The following MYO9B variants were observed in gnomAD, a reference collection of about 807,000 sequenced individuals.
MYO9B encodes the protein myosin IXB.
Under a neutral mutation model 229.5 loss-of-function variants are expected in MYO9B, and 71 were observed. The ratio of observed to expected loss-of-function variants is 0.31; its 90% CI spans 0.26 to 0.38. MYO9B has a LOEUF of 0.38. Ranked by LOEUF, MYO9B falls within the 10% of genes least tolerant of loss-of-function variation. The pLI, the probability that MYO9B is intolerant of heterozygous loss-of-function variation, is 1.00. For synonymous variants in MYO9B, 1,185 were observed against 1,235.8 expected (o/e 0.96, Z 0.86); for missense variants, 2,255 against 2,920.5 (o/e 0.77, Z 5.25).
intron 14 of MYO9B, among the ~76,000 whole-genome samples, chr19:17,179,458 A>C (rs1224962264): frequency 3.5e-5 from 4 of 114,010 alleles, no homozygotes; most frequent in African/African-American, 1.1e-4. Context: ...ACAGAGTCTC[A>C]CTCTGTTGCC....
intron 2 of MYO9B, among the ~76,000 whole-genome samples, chr19:17,118,680 G>A (rs1019950965): frequency 9.9e-5 from 15 of 151,932 alleles, no homozygotes; most frequent in Non-Finnish European, 1.8e-4. Context: ...ACATGGTTTC[G>A]CCATGTTGGC....
Position 17,152,652 on chromosome 19 carries a change from T to C in MYO9B, c.944T>C (p.Val315Ala). 6.2e-7 allele frequency: 1 copy of C among 1,613,018 alleles called. No individual in the cohort carries two copies. The highest frequency in any genetic ancestry group is 8.5e-7 in the Non-Finnish European group (1 of 1,179,396). ...TTTTCTCTTAATGACAGAGCTGTCG[T>C]CGAGAAATATCTGCTTGAAAAGTCT... Reference protein sequence around the residue: ...LESGIVRGAVVEKYLLEKSRL... With the variant: ...LESGIVRGAVAEKYLLEKSRL... The change falls in exon 4 of 40, where the codon GTC becomes GCC. Residue 315 changes from valine (V) to alanine (A), a missense_variant. Val to Ala is a moderately conservative substitution (Grantham distance 64). Around this residue, in one of 7 missense-constraint regions of MYO9B, gnomAD observed 386 missense variants for 515.2 expected, o/e 0.75. Transcript: ENST00000682292.
At position 17,206,692 on chromosome 19, in the gene MYO9B, G is replaced by A. The variant is rs372943554; in HGVS notation, c.5400G>A (p.Lys1800=). The change falls in exon 34 of 40, where the codon AAG becomes AAA. Residue 1800 remains lysine, a synonymous_variant. Coordinates refer to ENST00000682292, the MANE Select transcript of MYO9B (RefSeq NM_004145.4). ...CACTGCCTGCAGAGCTGCCGGAGAAGCAGGAGCAGCTGGCTGCCATCTATG... is the reference window on the plus strand; with the variant it reads ...CACTGCCTGCAGAGCTGCCGGAGAAACAGGAGCAGCTGGCTGCCATCTATG... ...DFLRAVELPE[K]QEQLAAIYAV... 3.5e-5 allele frequency: 55 copies of A among 1,577,348 alleles called. No homozygotes were observed. In the East Asian group the frequency reaches 8.0e-4, roughly 23 times the overall value.
chr19:17,113,074 C>T lies in MYO9B; in HGVS notation c.840+10517C>T, dbSNP rs138731220. 6.6e-5 allele frequency among the ~76,000 whole-genome samples: 10 copies of T among 152,312 alleles called. No individual in the cohort carries two copies. In the East Asian group the frequency reaches 1.7e-3, roughly 26 times the overall value. ...AGCATTTGTTTGAGGAAGAGCAATA[C>T]CTGCAGTCAGCACCCGTCTGTCTGT... On this transcript the variant is annotated intron_variant, in intron 2 of 39. Transcript: ENST00000682292.
At position 17,129,326 on chromosome 19, in the gene MYO9B, C is replaced by T. The variant is rs147026228; in HGVS notation, c.841-16071C>T. On this transcript the variant is annotated intron_variant, in intron 2 of 39. Coordinates refer to ENST00000682292, the MANE Select transcript of MYO9B (RefSeq NM_004145.4). Reference sequence around the variant, plus strand: ...CTGAGACAGGAGAATCACTCGAGCCCGGGAGGTGGAGGCTGCAGTGAGCCA... The same window carrying T: ...CTGAGACAGGAGAATCACTCGAGCCTGGGAGGTGGAGGCTGCAGTGAGCCA... 3.0e-3 allele frequency among the ~76,000 whole-genome samples: 463 copies of T among 152,180 alleles called. 2 individuals are homozygous for T. Among genetic ancestry groups the T allele is most frequent in the African/African-American group, 0.01 (428 of 41,522 alleles).
At chr19:17,168,155 A>C in intron 11 of MYO9B, 91 bp downstream of exon 11, 1 of 1,509,260 alleles carries the variant, frequency 6.6e-7, no homozygotes, top group Middle Eastern at 1.9e-4. Flanking sequence ...CCAAATCCAG[A>C]CTTTCCCAAG....
At chr19:17,093,821 T>G (rs889847238) in intron 1 of MYO9B, among the ~76,000 whole-genome samples, 12 of 151,956 alleles carry the variant, frequency 7.9e-5, no homozygotes, top group Middle Eastern at 3.2e-3. Context: ...GCCTCCCAAG[T>G]AGCTGGGACT....
intron 2 of MYO9B, among the ~76,000 whole-genome samples, chr19:17,111,430 A>G (rs1374236508): frequency 6.6e-6 from 1 of 152,178 alleles, no homozygotes; most frequent in Non-Finnish European, 1.5e-5. Context: ...TATAGATTAA[A>G]TTGTATCTGC....
chr19:17,105,601 G>A (rs1431582953), intron 2 of MYO9B, among the ~76,000 whole-genome samples: 3 of 152,102 alleles, frequency 2.0e-5, no homozygotes, highest in East Asian at 3.9e-4. Context: ...TTCTTCACAC[G>A]TAGGATCCTG....
chr19:17,093,186 A>G (rs1055516456), intron 1 of MYO9B, among the ~76,000 whole-genome samples: 2 of 152,132 alleles, frequency 1.3e-5, no homozygotes, highest in Middle Eastern at 3.2e-3. Flanking sequence ...ACAAAAAATT[A>G]GCTGGGCGTG....
At chr19:17,128,267 G>A (rs1027662196) in intron 2 of MYO9B, among the ~76,000 whole-genome samples, 79 of 151,934 alleles carry the variant, frequency 5.2e-4, no homozygotes, top group African/African-American at 1.8e-3. Context: ...GGTATGCGCC[G>A]GTGGTCCCAG....
At chr19:17,154,792 C>G (rs913414669) in intron 6 of MYO9B, among the ~76,000 whole-genome samples, 5 of 152,062 alleles carry the variant, frequency 3.3e-5, no homozygotes, top group Non-Finnish European at 5.9e-5. Flanking sequence ...GAGACCTCAT[C>G]TCTACAAAAA....
In MYO9B at chr19:17,192,854, C is replaced by T. The variant is rs372278258; in HGVS notation, c.2920C>T (p.Arg974Trp). 5.2e-6 allele frequency: 8 copies of T among 1,551,564 alleles called. No homozygotes were observed. The highest frequency in any genetic ancestry group is 2.4e-5 in the East Asian group (1 of 40,992). ...QSWFRMVLER[R>W]HFLQMKRAAV... ...CTGGTTCCGGATGGTGCTGGAGCGTCGGCACTTCCTGCAGATGAAGCGGGC... is the reference window on the plus strand; with the variant it reads ...CTGGTTCCGGATGGTGCTGGAGCGTTGGCACTTCCTGCAGATGAAGCGGGC... Residue 974 changes from arginine (R) to tryptophan (W), a missense_variant, in exon 21 of 40, where the codon CGG (arginine) becomes TGG (tryptophan). This residue lies in a region of MYO9B where 679 missense variants were observed against 770.2 expected (regional missense o/e 0.88). Transcript: ENST00000682292.
intron 2 of MYO9B, among the ~76,000 whole-genome samples, chr19:17,109,178 G>C (rs1273594353): frequency 6.6e-6 from 1 of 151,582 alleles, no homozygotes; most frequent in Non-Finnish European, 1.5e-5. Flanking sequence ...CCATTCTCCT[G>C]CCTCAGCCTC....
chr19:17,134,371 C>T (rs369417132), intron 2 of MYO9B, among the ~76,000 whole-genome samples: 1,271 of 81,130 alleles, frequency 0.016, 23 homozygotes, highest in African/African-American at 0.052. Flanking sequence ...TTTTTTTTTT[C>T]GTTTTGTTTG....
chr19:17,093,787 G>A (rs1194126167), intron 1 of MYO9B, among the ~76,000 whole-genome samples: 1 of 151,980 alleles, frequency 6.6e-6, no homozygotes, highest in African/African-American at 2.4e-5. Context: ...CCACCCGCTG[G>A]GCTCAAGTAG....
In MYO9B at chr19:17,186,270, T is replaced by TAG. The variant is rs1361920802; in HGVS notation, c.2577+270_2577+271dup. Among the ~76,000 whole-genome samples, 5 of 151,934 alleles carry TAG rather than the reference T, an allele frequency of 3.3e-5. No individual in the cohort carries two copies. In the South Asian group the frequency reaches 1.0e-3, roughly 32 times the overall value. ...TGCTTTTCAGATACATCCCAAAGAG[T>TAG]AGCCGGTGCAAGGAGTCTACCAGAA... On this transcript the variant is annotated intron_variant, in intron 18 of 39. Coordinates refer to ENST00000682292, the MANE Select transcript of MYO9B (RefSeq NM_004145.4).
At chr19:17,196,673 G>A (rs147311619) in intron 22 of MYO9B, among the ~76,000 whole-genome samples, 45 of 148,550 alleles carry the variant, frequency 3.0e-4, no homozygotes, top group African/African-American at 1.0e-3. Context: ...ACAGAGATGA[G>A]ACTCCGTCTC....
intron 1 of MYO9B, among the ~76,000 whole-genome samples, chr19:17,086,879 CA>C (rs11463253): frequency 2.1e-4 from 31 of 146,012 alleles, no homozygotes; most frequent in Non-Finnish European, 2.7e-4. Flanking sequence ...GACTTCGTCT[CA>C]AAAAAAAAAA....
Sources: allele counts gnomAD v4.1 joint callset (sites outside exome capture counted in the v4.1 genomes callset), GRCh38; gene constraint gnomAD v4.1.1; regional missense constraint gnomAD v4.1.1; transcripts MANE v1.5; gene names NCBI Gene and HGNC (gene_info 2026-07-23, HGNC 2026-07-21).